PLCB4: variants seen among roughly 807,000 people sequenced by gnomAD.
The protein encoded by PLCB4 is 1-phosphatidylinositol 4,5-bisphosphate phosphodiesterase beta-4.
Under a neutral mutation model 178.8 loss-of-function variants are expected in PLCB4, and 77 were observed. That is an observed-to-expected ratio of 0.43 (90% CI 0.36 to 0.52). The LOEUF is 0.52. PLCB4 is among the 20% of genes least tolerant of loss of function. PLCB4 has a pLI of 0.00. For missense variants in PLCB4, 1,024 were observed against 1,453.4 expected (o/e 0.70, Z 4.80); for synonymous variants, 496 against 490.8 (o/e 1.01, Z -0.14).
chr20:9,426,272 T>C (rs2148593931), intron 28 of PLCB4, among the ~76,000 whole-genome samples: 1 of 152,348 alleles, frequency 6.6e-6, no homozygotes, highest in Non-Finnish European at 1.5e-5. Context: ...AGCTAAAATA[T>C]GTATCAGAGA....
At chr20:9,074,156 G>T (rs943040832) in intron 1 of PLCB4, among the ~76,000 whole-genome samples, 1 of 152,166 alleles carries the variant, frequency 6.6e-6, no homozygotes. Flanking sequence ...TTAGCTGTGT[G>T]ACCCTGGGCA....
At chr20:9,258,582 G>T (rs746401275) in intron 3 of PLCB4, among the ~76,000 whole-genome samples, 6 of 152,030 alleles carry the variant, frequency 3.9e-5, no homozygotes, top group Non-Finnish European at 5.9e-5. Flanking sequence ...GGGTGTGGTG[G>T]CGTGTGCCTG....
chr20:9,417,306 A>G (rs1341396586), intron 25 of PLCB4, among the ~76,000 whole-genome samples: 1 of 152,112 alleles, frequency 6.6e-6, no homozygotes, highest in Non-Finnish European at 1.5e-5. Context: ...AGGGGCAGAC[A>G]TTGTGTAGTG....
chr20:9,297,060 T>C (rs994210714), intron 3 of PLCB4, among the ~76,000 whole-genome samples: 1 of 152,016 alleles, frequency 6.6e-6, no homozygotes, highest in African/African-American at 2.4e-5. Flanking sequence ...ATTTATAATA[T>C]GTCAAAAACA....
At chr20:9,293,108 A>T (rs2094595474) in intron 3 of PLCB4, among the ~76,000 whole-genome samples, 1 of 151,352 alleles carries the variant, frequency 6.6e-6, no homozygotes, top group African/African-American at 2.4e-5. Flanking sequence ...AGAGAGAGAC[A>T]CCCAGAGAGA....
At chr20:9,366,721 A>T (rs1226219970) in intron 9 of PLCB4, among the ~76,000 whole-genome samples, 1 of 152,226 alleles carries the variant, frequency 6.6e-6, no homozygotes, top group East Asian at 1.9e-4. Context: ...TCTGCTTTTC[A>T]CATGAAGACA....
intron 3 of PLCB4, among the ~76,000 whole-genome samples, chr20:9,233,733 G>A (rs1444571659): frequency 6.6e-6 from 1 of 152,180 alleles, no homozygotes; most frequent in Non-Finnish European, 1.5e-5. Context: ...ACAGTGGCCA[G>A]TGGGGAGCAA....
chr20:9,160,239 T>C (rs980424376), intron 2 of PLCB4, among the ~76,000 whole-genome samples: 2 of 152,146 alleles, frequency 1.3e-5, no homozygotes, highest in Non-Finnish European at 2.9e-5. Flanking sequence ...TAGCCCTTAA[T>C]TGTCCTGCCC....
intron 3 of PLCB4, among the ~76,000 whole-genome samples, chr20:9,257,116 T>G (rs943131894): frequency 1.2e-4 from 19 of 152,162 alleles, no homozygotes; most frequent in Non-Finnish European, 2.2e-4. Flanking sequence ...CACACAGAGA[T>G]CATTTTAGTT....
intron 2 of PLCB4, among the ~76,000 whole-genome samples, chr20:9,117,007 G>A (rs767293051): frequency 1.2e-4 from 18 of 152,164 alleles, no homozygotes; most frequent in Non-Finnish European, 2.2e-4. Context: ...GTATACGAAA[G>A]CGTTGGTTTT....
At position 9,184,380 on chromosome 20, in the gene PLCB4, A is replaced by C. The variant is rs75974619; in HGVS notation, c.-78-33010A>C. Among the ~76,000 whole-genome samples, 68 of 152,252 alleles carry C rather than the reference A, an allele frequency of 4.5e-4. No homozygotes were observed. The East Asian group carries it at 0.01, about 23-fold the overall frequency. ...TGGTGAATGTTTCCTTTACCTTCAT[A>C]AGCACTTTCTTTAAAGTTCCAGGTG... On this transcript the variant is annotated intron_variant, in intron 2 of 39. Transcript: ENST00000378473.
intron 3 of PLCB4, among the ~76,000 whole-genome samples, chr20:9,258,299 TAAGAA>T (rs1257127483): frequency 6.6e-6 from 1 of 152,142 alleles, no homozygotes; most frequent in African/African-American, 2.4e-5. Context: ...TGATAAGTGA[TAAGAA>T]AAAGAATTTG....
intron 2 of PLCB4, among the ~76,000 whole-genome samples, chr20:9,200,584 G>C (rs1174903872): frequency 6.6e-6 from 1 of 152,140 alleles, no homozygotes; most frequent in African/African-American, 2.4e-5. Flanking sequence ...GTCTTTTTCT[G>C]TGATCTGACT....
In PLCB4 at chr20:9,480,802, T is replaced by C. The variant is rs1265914737; in HGVS notation, c.*1793T>C. The C allele has an allele frequency of 2.0e-5, 3 of 152,166 alleles. No individual in the cohort carries two copies. The highest frequency in any genetic ancestry group is 4.4e-5 in the Non-Finnish European group (3 of 68,046). 9.4% of individuals were successfully genotyped at this position (152,166 alleles called of 1,614,324 possible). A position where few individuals can be genotyped will look rare whatever the true frequency, so the allele number is the denominator to read the frequency against. On this transcript the variant is annotated 3_prime_UTR_variant, in exon 40 of 40. Transcript: ENST00000378473. The stretch of plus-strand genomic sequence containing the variant: ...TTAATAAAATATCACCACATTTGGA[T>C]TGCCAATTTTCAAAGATTCTGAGTG...
chr20:9,476,644 C>T, intron 38 of PLCB4, 73 bp from the exon 39 acceptor site: 1 of 1,058,544 alleles, frequency 9.4e-7, no homozygotes, highest in Non-Finnish European at 1.5e-6. Context: ...TTCAAATTCA[C>T]TTCAATATTC....
intron 7 of PLCB4, among the ~76,000 whole-genome samples, chr20:9,353,041 T>C (rs903751551): frequency 6.6e-6 from 1 of 152,214 alleles, no homozygotes. Context: ...TTTCAATTCT[T>C]CTCTTTTAGA....
At chr20:9,254,825 A>G (rs148105596) in intron 3 of PLCB4, among the ~76,000 whole-genome samples, 168 of 152,340 alleles carry the variant, frequency 1.1e-3, no homozygotes, top group African/African-American at 3.7e-3. Context: ...AAATGGTCCA[A>G]TGGCTTTTCG....
chr20:9,101,725 A>G (rs540331368), intron 2 of PLCB4, among the ~76,000 whole-genome samples: 2 of 152,170 alleles, frequency 1.3e-5, no homozygotes, highest in South Asian at 2.1e-4. Context: ...ATACAAGAGT[A>G]TGATTATGGC....
At chr20:9,300,972 A>G (rs1233841373) in intron 3 of PLCB4, among the ~76,000 whole-genome samples, 2 of 151,904 alleles carry the variant, frequency 1.3e-5, no homozygotes, top group African/African-American at 4.8e-5. Flanking sequence ...CATTTCCTCC[A>G]GGCTGTGGGG....
Sources: gnomAD v4.1 joint callset for allele counts (sites outside exome capture counted in the v4.1 genomes callset) on GRCh38, gnomAD v4.1.1 for gene constraint, MANE v1.5 for transcripts, NCBI Gene and HGNC (gene_info 2026-07-23, HGNC 2026-07-21) for gene names.